WAPL: variants seen among roughly 807,000 people sequenced by gnomAD.
The protein encoded by WAPL is wings apart-like protein homolog.
A neutral mutation model predicts 121.0 loss-of-function variants in WAPL; 5 were observed. That is an observed-to-expected ratio of 0.04 (90% CI 0.02 to 0.09). The LOEUF (loss-of-function observed/expected upper bound fraction) is 0.09. Among genes scored for constraint, WAPL ranks in the 10% least tolerant of loss-of-function variants. The pLI, the probability that WAPL is intolerant of heterozygous loss-of-function variation, is 1.00. For synonymous variants in WAPL, 480 were observed against 481.5 expected, an observed-to-expected ratio of 1.00 and a Z score of 0.04; for missense variants, 999 against 1,410.8, an observed-to-expected ratio of 0.71 and a Z score of 4.68.
At chr10:86,473,823 T>G (rs897048876) in intron 5 of WAPL, 55 bp downstream of exon 5, 3 of 1,327,440 alleles carry the variant, frequency 2.3e-6, no homozygotes, top group Non-Finnish European at 3.2e-6. Flanking sequence ...AAAGAGTAAC[T>G]GCTTAATTTA....
chr10:86,475,630 C>A (rs930257721), intron 4 of WAPL, among the ~76,000 whole-genome samples: 7 of 152,220 alleles, frequency 4.6e-5, no homozygotes, highest in African/African-American at 1.7e-4. Flanking sequence ...ACAATTTATG[C>A]ACTCATGCAA....
In WAPL at chr10:86,472,639, T is replaced by G; in HGVS notation, c.1866A>C (p.Ala622=). The G allele has an allele frequency of 6.2e-7, 1 of 1,613,942 alleles. No individual in the cohort carries two copies. Among genetic ancestry groups the G allele is most frequent in the East Asian group, 2.2e-5 (1 of 44,840 alleles). Residue 622 remains alanine (A), a synonymous_variant, in exon 6 of 19, where the codon GCA becomes GCC. Transcript: ENST00000298767. This position sits in a 1 kb window ranked among gnomAD's most constrained non-coding sequence, Gnocchi z 4.2. ...PTQPYQDIVT[A]LKCRREDKEL... ...CTTTGTCTTCTCGTCTGCATTTCAG[T>G]GCAGTAACTATATCTTGGTAGGGCT...
At position 86,452,020 on chromosome 10, in the gene WAPL, C is replaced by T. The variant is rs761768393; in HGVS notation, c.3061G>A (p.Asp1021Asn). The T allele has an allele frequency of 6.2e-5, 100 of 1,614,042 alleles. No homozygotes were observed. Among genetic ancestry groups the T allele is most frequent in the Admixed American group, 1.7e-5 (1 of 60,016 alleles). Residue 1021 changes from aspartate (D) to asparagine (N), a missense_variant, in exon 15 of 19, where the codon GAT (aspartate) becomes AAT (asparagine). Around this residue, in one of 7 missense-constraint regions of WAPL, gnomAD observed 126 missense variants for 144.0 expected, o/e 0.87. Transcript: ENST00000298767. ...FDSSICSGEGDDSLRIGGQVH... is the reference protein window; with the variant it reads ...FDSSICSGEGNDSLRIGGQVH... ...TGTCCACCTATCCTTAAACTATCAT[C>T]CCCTTCTCCACTACAGATGGAAGAA...
chr10:86,453,861 T>C (rs1198389006), intron 12 of WAPL, 30 bp from the exon 13 acceptor site: 29 of 1,450,696 alleles, frequency 2.0e-5, no homozygotes, highest in Admixed American at 2.5e-5. Flanking sequence ...TAGACTATTA[T>C]AGTAAATAAT....
rs987874792 is a variant in WAPL, at chr10:86,521,532, G to A, written c.-190C>T. 5 of 370,466 alleles carry A rather than the reference G, an allele frequency of 1.3e-5. No homozygotes were observed. The highest frequency in any genetic ancestry group is 4.7e-4 in the Middle Eastern group (1 of 2,108). 22.9% of individuals were successfully genotyped at this position (370,466 alleles called of 1,614,324 possible). On this transcript the variant is annotated 5_prime_UTR_variant, in exon 1 of 19. Transcript: ENST00000298767. The stretch of plus-strand genomic sequence containing the variant: ...GTAAATAGGAAGCCCGGTTGGGGGG[G>A]CAGGAGCGGCGGCCCCGCAACTTCC...
chr10:86,489,548 T>C (rs1035002906), intron 4 of WAPL, among the ~76,000 whole-genome samples: 2 of 152,002 alleles, frequency 1.3e-5, no homozygotes, highest in African/African-American at 4.8e-5. Context: ...CAGGAAACAT[T>C]TGGCAATGTC....
chr10:86,489,944 G>A (rs1842008021), intron 4 of WAPL, among the ~76,000 whole-genome samples: 1 of 151,008 alleles, frequency 6.6e-6, no homozygotes. Flanking sequence ...TTTTGGCTTG[G>A]CACGGTGGGA....
chr10:86,492,778 C>T (rs142775841), intron 4 of WAPL, among the ~76,000 whole-genome samples: 270 of 152,240 alleles, frequency 1.8e-3, no homozygotes, highest in Middle Eastern at 3.4e-3. Flanking sequence ...CAGGGCCATC[C>T]GGGCGCGGTG....
rs777718940 is a variant in WAPL at position 86,436,573 on chromosome 10, T to C, written c.*970A>G. 5.9e-5 allele frequency: 9 copies of C among 152,660 alleles called. No homozygotes were observed. The highest frequency in any genetic ancestry group is 1.5e-5 in the Non-Finnish European group (1 of 68,034). The allele number at this position is 152,660 out of a possible 1,614,324, so 9.5% of individuals were successfully genotyped here. A position where few individuals can be genotyped will look rare whatever the true frequency, so the allele number is the denominator to read the frequency against. On this transcript the variant is annotated 3_prime_UTR_variant, in exon 19 of 19. Coordinates refer to ENST00000298767, the MANE Select transcript of WAPL (RefSeq NM_015045.5). ...AATTTAAGGCTTTGCGCTTATGCAA[T>C]TGATCCTGTCACTCTATAGAAGAAT...
intron 17 of WAPL, among the ~76,000 whole-genome samples, chr10:86,440,995 C>G (rs1463547611): frequency 6.6e-6 from 1 of 151,922 alleles, no homozygotes; most frequent in African/African-American, 2.4e-5. Flanking sequence ...TCAAATAAAG[C>G]CATTCATTTA....
chr10:86,486,003 C>T (rs1841923129), intron 4 of WAPL, among the ~76,000 whole-genome samples: 1 of 152,232 alleles, frequency 6.6e-6, no homozygotes, highest in Admixed American at 6.5e-5. Flanking sequence ...CACCCAGGAG[C>T]TGTAAGTGAA....
At chr10:86,501,960 A>G (rs1842255653) in intron 2 of WAPL, among the ~76,000 whole-genome samples, 1 of 152,214 alleles carries the variant, frequency 6.6e-6, no homozygotes, top group South Asian at 2.1e-4. Flanking sequence ...CCAAAGTGCT[A>G]CAATCACAGG....
chr10:86,437,851 G>T, intron 18 of WAPL, 69 bp downstream of exon 18: 1 of 1,229,148 alleles, frequency 8.1e-7, no homozygotes, highest in African/African-American at 1.5e-5. Flanking sequence ...TATGGCCATA[G>T]TATTTTTATG....
At chr10:86,442,292 A>G (rs1849490083) in intron 17 of WAPL, among the ~76,000 whole-genome samples, 1 of 152,372 alleles carries the variant, frequency 6.6e-6, no homozygotes, top group African/African-American at 2.4e-5. Flanking sequence ...TCAGCCTCCC[A>G]AAGTGCTGAG....
rs1564564372 is a variant in WAPL, at chr10:86,452,154, A to G, written c.2950-23T>C. On this transcript the variant is annotated intron_variant, in intron 14 of 18. Transcript: ENST00000298767. ...GCCCTTCAAAAAGTTTAAAAGACAC[A>G]TATTATCAGAGATGAGTACTTAAAA... 6.8e-6 allele frequency: 11 copies of G among 1,607,726 alleles called. No individual in the cohort carries two copies. The East Asian group carries it at 1.6e-4, about 23-fold the overall frequency.
Position 86,517,804 on chromosome 10 carries a change from A to G in WAPL, c.266T>C (p.Leu89Ser), listed in dbSNP as rs1842590603. 18 of 1,614,094 alleles carry G rather than the reference A, an allele frequency of 1.1e-5. No homozygotes were observed. Among genetic ancestry groups the G allele is most frequent in the Non-Finnish European group, 1.4e-5 (17 of 1,180,022 alleles). The change falls in exon 2 of 19, where the codon TTA (leucine) becomes TCA (serine). Residue 89 changes from leucine (L) to serine (S), a missense_variant. Leu to Ser is a moderately radical substitution (Grantham distance 145). Around this residue, in one of 7 missense-constraint regions of WAPL, gnomAD observed 531 missense variants for 563.1 expected, o/e 0.94. Coordinates refer to ENST00000298767, the MANE Select transcript of WAPL (RefSeq NM_015045.5). ...DESLPVSSKN[L>S]AQVKCSSYSE... ...ATAAGAGGAACACTTAACCTGGGCT[A>G]AATTCTTTGAAGAAACTGGTAGAGA...
rs972526068 is a variant in WAPL, at chr10:86,437,998, C to T, written c.3429G>A (p.Val1143=). Residue 1143 remains valine (V), a synonymous_variant, in exon 18 of 19, where the codon GTG becomes GTA. Transcript: ENST00000298767. ...CQESPINVTT[V]REYLPEGDFS... Reference sequence around the variant, plus strand: ...AGTCTCCTTCTGGCAGATATTCCCGCACAGTGGTTACATTGATCTGAGGAA... The same window carrying T: ...AGTCTCCTTCTGGCAGATATTCCCGTACAGTGGTTACATTGATCTGAGGAA... 4 of 1,613,674 alleles carry T rather than the reference C, an allele frequency of 2.5e-6. No homozygotes were observed. Among genetic ancestry groups the T allele is most frequent in the Non-Finnish European group, 8.5e-7 (1 of 1,179,788 alleles).
At chr10:86,448,475 A>C (rs900767419) in intron 15 of WAPL, among the ~76,000 whole-genome samples, 3 of 152,194 alleles carry the variant, frequency 2.0e-5, no homozygotes, top group Non-Finnish European at 4.4e-5. Flanking sequence ...TCAAAAAGCT[A>C]CTAGTTTGCA....
chr10:86,517,655 T>G lies in WAPL; in HGVS notation c.415A>C (p.Thr139Pro). 1 of 1,614,124 alleles carries G rather than the reference T, an allele frequency of 6.2e-7. No individual in the cohort carries two copies. The highest frequency in any genetic ancestry group is 8.5e-7 in the Non-Finnish European group (1 of 1,180,030). Residue 139 changes from threonine to proline, a missense_variant, in exon 2 of 19, where the codon ACT becomes CCT. By Grantham distance (38) the Thr-to-Pro change is conservative (BLOSUM62 -1). Coordinates refer to ENST00000298767, the MANE Select transcript of WAPL (RefSeq NM_015045.5). ...GTGCTCTTTTCTTTCCCAAGTAAAGTGTCCTCCAAAGGGAAGCATTTATCA... is the reference window on the plus strand; with the variant it reads ...GTGCTCTTTTCTTTCCCAAGTAAAGGGTCCTCCAAAGGGAAGCATTTATCA... ...VSDKCFPLED[T>P]LLGKEKSTNR...
Sources: gnomAD v4.1 joint callset for allele counts (sites outside exome capture counted in the v4.1 genomes callset) on GRCh38, gnomAD v4.1.1 for gene constraint, gnomAD v4.1.1 regional missense constraint, Gnocchi (gnomAD v3.1) non-coding constraint, MANE v1.5 for transcripts, NCBI Gene and HGNC (gene_info 2026-07-23, HGNC 2026-07-21) for gene names.